The following AK5 variants were observed in gnomAD, a reference collection of about 807,000 sequenced individuals.
The protein encoded by AK5 is adenylate kinase 5, also known as adenylate kinase isoenzyme 5.
Under a neutral mutation model 69.5 loss-of-function variants are expected in AK5, and 27 were observed. That is an observed-to-expected ratio of 0.39 (90% CI 0.29 to 0.54). The LOEUF is 0.54. Ranked by LOEUF, AK5 falls within the 20% of genes least tolerant of loss-of-function variation. AK5 has a pLI of 0.71. For missense variants in AK5, 531 were observed against 700.4 expected, an observed-to-expected ratio of 0.76 and a Z score of 2.73; for synonymous variants, 260 against 244.4, an observed-to-expected ratio of 1.06 and a Z score of -0.60.
intron 6 of AK5, among the ~76,000 whole-genome samples, chr1:77,359,460 AT>A (rs1250790622): frequency 6.6e-6 from 1 of 152,260 alleles, no homozygotes; most frequent in Non-Finnish European, 1.5e-5. Context: ...TTTTCTACAA[AT>A]TTTTTATATG....
intron 12 of AK5, among the ~76,000 whole-genome samples, chr1:77,533,527 A>C (rs1392699942): frequency 8.3e-4 from 126 of 150,958 alleles, no homozygotes; most frequent in African/African-American, 3.0e-3. Context: ...AAAAAAAAAA[A>C]AAAAAAAACA....
In AK5 at chr1:77,367,609, TAA is replaced by T. The variant is rs1232945586; in HGVS notation, c.891+27042_891+27043del. Among the ~76,000 whole-genome samples, 10 of 78,478 alleles carry T rather than the reference TAA, an allele frequency of 1.3e-4. No individual in the cohort carries two copies. The South Asian group carries it at 2.9e-3, about 23-fold the overall frequency. 51.5% of individuals were successfully genotyped at this position (78,478 alleles called of 152,430 possible). ...ATATGTTATATATGTAATATATATG[TAA>T]TATATATGTTATATATGTAATATAT... is the stretch of plus-strand genomic sequence containing the variant. On this transcript the variant is annotated intron_variant, in intron 6 of 13. Transcript: ENST00000354567.
chr1:77,473,613 A>T (rs1374833142), intron 8 of AK5, among the ~76,000 whole-genome samples: 1 of 152,310 alleles, frequency 6.6e-6, no homozygotes, highest in African/African-American at 2.4e-5. Flanking sequence ...TACTGATTGT[A>T]TCTTCTCTAT....
At chr1:77,390,793 G>T (rs1040132526) in intron 6 of AK5, among the ~76,000 whole-genome samples, 2 of 151,984 alleles carry the variant, frequency 1.3e-5, no homozygotes, top group Non-Finnish European at 2.9e-5. Flanking sequence ...ATTTTTTTAT[G>T]TTTAAAGATG....
At chr1:77,300,057 T>C (rs1044582935) in intron 5 of AK5, among the ~76,000 whole-genome samples, 2 of 152,134 alleles carry the variant, frequency 1.3e-5, no homozygotes, top group African/African-American at 4.8e-5. Context: ...TTGGACCAGA[T>C]TCAGACTCAG....
intron 8 of AK5, among the ~76,000 whole-genome samples, chr1:77,434,433 T>A (rs1651838881): frequency 6.6e-6 from 1 of 152,142 alleles, no homozygotes; most frequent in Non-Finnish European, 1.5e-5. Flanking sequence ...AGGGCCCAAC[T>A]GGAAAAATCA....
chr1:77,346,501 G>T (rs1661922731), intron 6 of AK5, among the ~76,000 whole-genome samples: 1 of 152,158 alleles, frequency 6.6e-6, no homozygotes, highest in Non-Finnish European at 1.5e-5. Flanking sequence ...AAGGAGAAAA[G>T]AATTTTTTTG....
At chr1:77,525,485 G>A (rs1264716953) in intron 12 of AK5, among the ~76,000 whole-genome samples, 1 of 152,212 alleles carries the variant, frequency 6.6e-6, no homozygotes, top group African/African-American at 2.4e-5. Context: ...ACTCACAGCG[G>A]AAGGTGAGGG....
rs1661846723 is a variant in AK5, at chr1:77,345,067, GA to G, written c.891+4500del. Among the ~76,000 whole-genome samples the G allele has an allele frequency of 5.3e-5, 8 of 151,294 alleles. No homozygotes were observed. In the South Asian group the frequency reaches 1.3e-3, roughly 24 times the overall value. On this transcript the variant is annotated intron_variant, in intron 6 of 13. Coordinates refer to ENST00000354567, the MANE Select transcript of AK5 (RefSeq NM_174858.3). ...ATGCATTCAAAACTTTGTGCCATTA[GA>G]TGTTCTATTCAGCCAGAAAAACATG...
chr1:77,421,985 C>T (rs1436020697), intron 8 of AK5, among the ~76,000 whole-genome samples: 2 of 152,120 alleles, frequency 1.3e-5, no homozygotes, highest in Admixed American at 6.6e-5. Context: ...TTCCCATGTG[C>T]ATCTTGAATT....
In AK5 at chr1:77,518,655, G is replaced by A. The variant is rs747285721; in HGVS notation, c.1239G>A (p.Glu413=). The A allele has an allele frequency of 1.9e-5, 31 of 1,614,080 alleles. No individual in the cohort carries two copies. The Admixed American group carries it at 5.0e-4, about 26-fold the overall frequency. ...TCTCAACTGGCGAGCTCCTGCGTGA[G>A]GAACTGGCATCAGAATCTGAAAGAA... The part of the protein sequence containing the change: ...THLSTGELLR[E]ELASESERSK... The change falls in exon 11 of 14, where the codon GAG becomes GAA. Residue 413 remains glutamate, a synonymous_variant. Coordinates refer to ENST00000354567, the MANE Select transcript of AK5 (RefSeq NM_174858.3).
chr1:77,428,700 C>T (rs972519202), intron 8 of AK5, among the ~76,000 whole-genome samples: 11 of 152,156 alleles, frequency 7.2e-5, no homozygotes, highest in African/African-American at 2.6e-4. Context: ...TGTACTGCGC[C>T]CAGTAACTTG....
At chr1:77,557,714 C>A (rs1660181847) in intron 13 of AK5, among the ~76,000 whole-genome samples, 2 of 152,186 alleles carry the variant, frequency 1.3e-5, no homozygotes, top group Admixed American at 6.5e-5. Flanking sequence ...TCAGAAGTCT[C>A]ATTTTAAGTA....
intron 5 of AK5, chr1:77,314,182 C>T: frequency 1.4e-5 from 4 of 290,846 alleles, no homozygotes; most frequent in Non-Finnish European, 2.7e-5. Flanking sequence ...GAGATGGAGG[C>T]TACGTTTTCA....
intron 8 of AK5, among the ~76,000 whole-genome samples, chr1:77,476,963 G>C (rs1654977023): frequency 6.6e-6 from 1 of 150,848 alleles, no homozygotes; most frequent in African/African-American, 2.4e-5. Context: ...CAGGTAAAAA[G>C]ATGAGGAAAT....
intron 8 of AK5, among the ~76,000 whole-genome samples, chr1:77,459,041 TA>T (rs1653671550): frequency 6.6e-6 from 1 of 152,164 alleles, no homozygotes; most frequent in Non-Finnish European, 1.5e-5. Flanking sequence ...GGTTGCCACA[TA>T]AGCACATTTT....
chr1:77,320,950 T>C (rs1314689638), intron 5 of AK5, among the ~76,000 whole-genome samples: 2 of 152,078 alleles, frequency 1.3e-5, no homozygotes, highest in African/African-American at 4.8e-5. Flanking sequence ...GACTCAAAAA[T>C]TGATAGAAAT....
At chr1:77,477,235 C>T (rs781435769) in intron 8 of AK5, among the ~76,000 whole-genome samples, 34 of 152,092 alleles carry the variant, frequency 2.2e-4, no homozygotes, top group Non-Finnish European at 3.5e-4. Flanking sequence ...ACTATGTTGC[C>T]CAGGCTAGTC....
intron 5 of AK5, among the ~76,000 whole-genome samples, chr1:77,306,149 G>T (rs1180554731): frequency 1.3e-5 from 2 of 152,074 alleles, no homozygotes; most frequent in East Asian, 1.9e-4. Flanking sequence ...AGGCATCCTT[G>T]TCATGTTTCC....
Sources: allele counts gnomAD v4.1 joint callset (sites outside exome capture counted in the v4.1 genomes callset), GRCh38; gene constraint gnomAD v4.1.1; transcripts MANE v1.5; gene names NCBI Gene and HGNC (gene_info 2026-07-23, HGNC 2026-07-21).